The following WNT4 variants were observed in gnomAD, a reference collection of about 807,000 sequenced individuals.
WNT4 encodes the protein protein Wnt-4.
In WNT4, 16 loss-of-function variants were observed where a neutral mutation model predicts 34.5. That is an observed-to-expected ratio of 0.46 (90% CI 0.31 to 0.70). The LOEUF (loss-of-function observed/expected upper bound fraction) is 0.70. Among genes scored for constraint, WNT4 ranks in the 30% least tolerant of loss-of-function variants. WNT4 has a pLI of 0.04. For synonymous variants in WNT4, 200 were observed against 211.9 expected (o/e 0.94, Z 0.49); for missense variants, 379 against 495.9 (o/e 0.76, Z 2.24).
In WNT4 at chr1:22,135,268, C is replaced by T. The variant is rs1454334491; in HGVS notation, c.78-5417G>A. On this transcript the variant is annotated intron_variant, in intron 1 of 4. Coordinates refer to ENST00000290167, the MANE Select transcript of WNT4 (RefSeq NM_030761.5). ...CAATAGTCACGTGCTTCAGTATGTC[C>T]TTAGTGCAACAGCACAGGGCTGGCT... 2.0e-5 allele frequency among the ~76,000 whole-genome samples: 3 copies of T among 152,222 alleles called. No individual in the cohort carries two copies. In the East Asian group the frequency reaches 5.8e-4, roughly 29 times the overall value.
Position 22,119,165 on chromosome 1 carries a change from C to T in WNT4, c.*885G>A, listed in dbSNP as rs1645871423. 1 of 146,996 alleles carries T rather than the reference C, an allele frequency of 6.8e-6. No homozygotes were observed. Among genetic ancestry groups the T allele is most frequent in the African/African-American group, 2.6e-5 (1 of 38,462 alleles). 9.1% of individuals were successfully genotyped at this position (146,996 alleles called of 1,614,324 possible). On this transcript the variant is annotated 3_prime_UTR_variant, in exon 5 of 5. Coordinates refer to ENST00000290167, the MANE Select transcript of WNT4 (RefSeq NM_030761.5). ...AGGCACAGCCCTTTCCTCCCTCTCTCTCGCAGGTGTGTGTGTGTGTCCGTG... is the reference window on the plus strand; with the variant it reads ...AGGCACAGCCCTTTCCTCCCTCTCTTTCGCAGGTGTGTGTGTGTGTCCGTG...
chr1:22,142,528 G>A lies in WNT4; in HGVS notation c.77+318C>T, dbSNP rs937388820. Among the ~76,000 whole-genome samples, 16 of 152,180 alleles carry A rather than the reference G, an allele frequency of 1.1e-4. No individual in the cohort carries two copies. Among genetic ancestry groups the A allele is most frequent in the African/African-American group, 3.9e-4 (16 of 41,456 alleles). On this transcript the variant is annotated intron_variant, in intron 1 of 4. Coordinates refer to ENST00000290167, the MANE Select transcript of WNT4 (RefSeq NM_030761.5). This position sits in a 1 kb window ranked among gnomAD's most constrained non-coding sequence, Gnocchi z 6.0. Reference sequence around the variant, plus strand: ...GGCTGGACTGCAACCCGCGTCCGGCGCCCCTCCCGGGCCACCGCCCCGCGC... The same window carrying A: ...GGCTGGACTGCAACCCGCGTCCGGCACCCCTCCCGGGCCACCGCCCCGCGC...
At chr1:22,128,649 G>A (rs7544210) in intron 2 of WNT4, among the ~76,000 whole-genome samples, 80,633 of 151,996 alleles carry the variant, frequency 0.53, 21,909 homozygotes, top group Non-Finnish European at 0.57. Flanking sequence ...TCTCCTCATC[G>A]AGGATAAGAC....
Position 22,134,755 on chromosome 1 carries a change from T to A in WNT4, c.78-4904A>T, listed in dbSNP as rs1262120157. On this transcript the variant is annotated intron_variant, in intron 1 of 4. Coordinates refer to ENST00000290167, the MANE Select transcript of WNT4 (RefSeq NM_030761.5). The surrounding 1 kb of genome is among the most constrained non-coding windows in gnomAD (Gnocchi z 4.1). ...AAGATGCTCACTGTCATCGGTGCCG[T>A]CACCACCCCTCCCACAGCCTCTCCC... Among the ~76,000 whole-genome samples, 1 of 152,136 alleles carries A rather than the reference T, an allele frequency of 6.6e-6. No homozygotes were observed. The highest frequency in any genetic ancestry group is 1.5e-5 in the Non-Finnish European group (1 of 68,000).
chr1:22,121,687 G>C lies in WNT4; in HGVS notation c.314-111C>G, dbSNP rs528015362. The stretch of plus-strand genomic sequence containing the variant: ...CTCCTGCTTGCTGGAGGCCAGGAGG[G>C]AGCAAGACAGGCAGAAATCATGTGC... On this transcript the variant is annotated intron_variant, in intron 2 of 4. Transcript: ENST00000290167. 2.5e-3 allele frequency: 3,808 copies of C among 1,505,226 alleles called. 25 individuals are homozygous for C. Among genetic ancestry groups the C allele is most frequent in the South Asian group, 8.2e-3 (687 of 84,086 alleles). 93.2% of individuals were successfully genotyped at this position (1,505,226 alleles called of 1,614,324 possible).
chr1:22,134,711 T>C lies in WNT4; in HGVS notation c.78-4860A>G, dbSNP rs967761690. Among the ~76,000 whole-genome samples the C allele has an allele frequency of 4.6e-5, 7 of 152,128 alleles. No individual in the cohort carries two copies. Among genetic ancestry groups the C allele is most frequent in the Admixed American group, 2.0e-4 (3 of 15,282 alleles). ...GGAGATGCTCGTCCCTGCTGCAGCATTGTCCTAGCAGCACCTTCAAGATGC... is the reference window on the plus strand; with the variant it reads ...GGAGATGCTCGTCCCTGCTGCAGCACTGTCCTAGCAGCACCTTCAAGATGC... On this transcript the variant is annotated intron_variant, in intron 1 of 4. Coordinates refer to ENST00000290167, the MANE Select transcript of WNT4 (RefSeq NM_030761.5). This position sits in a 1 kb window ranked among gnomAD's most constrained non-coding sequence, Gnocchi z 4.1.
rs773876465 is a variant in WNT4, at chr1:22,120,315, G to A, written c.791C>T (p.Pro264Leu). The A allele has an allele frequency of 3.7e-6, 6 of 1,614,238 alleles. No individual in the cohort carries two copies. Among genetic ancestry groups the A allele is most frequent in the South Asian group, 1.1e-5 (1 of 91,090 alleles). ...GTACACCAGGTCCTCATCTGTGTGC[G>A]GCTTGAACTGTGCGTTGCGTGGCAC... is the stretch of plus-strand genomic sequence containing the variant. ...ALVPRNAQFK[P>L]HTDEDLVYLE... Residue 264 changes from proline (P) to leucine (L), a missense_variant, in exon 5 of 5, where the codon CCG becomes CTG. Physicochemically the swap from Pro to Leu is moderately conservative, Grantham distance 98. Transcript: ENST00000290167.
chr1:22,121,192 G>T lies in WNT4; in HGVS notation c.588+19C>A. 1 of 1,613,604 alleles carries T rather than the reference G, an allele frequency of 6.2e-7. No homozygotes were observed. The highest frequency in any genetic ancestry group is 8.5e-7 in the Non-Finnish European group (1 of 1,179,964). The stretch of plus-strand genomic sequence containing the variant: ...TGCTATCCCTACCCCGCTCTTGGTG[G>T]GGGGTAGTGCCACACTACCTTCCTG... On this transcript the variant is annotated intron_variant, in intron 4 of 4. Coordinates refer to ENST00000290167, the MANE Select transcript of WNT4 (RefSeq NM_030761.5).
intron 2 of WNT4, among the ~76,000 whole-genome samples, chr1:22,121,957 C>A (rs1422301171): frequency 6.6e-6 from 1 of 152,160 alleles, no homozygotes; most frequent in Non-Finnish European, 1.5e-5. Flanking sequence ...TCTCACTACC[C>A]CCACCAGAAG....
At chr1:22,127,924 G>T (rs1645952825) in intron 2 of WNT4, among the ~76,000 whole-genome samples, 1 of 152,118 alleles carries the variant, frequency 6.6e-6, no homozygotes, top group Non-Finnish European at 1.5e-5. Context: ...GAGAGAGGGT[G>T]ACAGCCTGCC....
At position 22,142,989 on chromosome 1, in the gene WNT4, C is replaced by G; in HGVS notation, c.-67G>C. ...CGCGGGGGGCCTCCCGTCGGGGCTG[C>G]AGGTGGGCGCCCGCGGGCGGGCCGG... On this transcript the variant is annotated 5_prime_UTR_variant, in exon 1 of 5. Coordinates refer to ENST00000290167, the MANE Select transcript of WNT4 (RefSeq NM_030761.5). The surrounding 1 kb of genome is among the most constrained non-coding windows in gnomAD (Gnocchi z 6.0). The G allele has an allele frequency of 3.3e-6, 3 of 905,678 alleles. No individual in the cohort carries two copies. The highest frequency in any genetic ancestry group is 3.9e-6 in the Non-Finnish European group (3 of 760,680). The allele number at this position is 905,678 out of a possible 1,614,324, so 56.1% of individuals were successfully genotyped here.
At position 22,139,857 on chromosome 1, in the gene WNT4, C is replaced by G. The variant is rs926155581; in HGVS notation, c.77+2989G>C. On this transcript the variant is annotated intron_variant, in intron 1 of 4. Transcript: ENST00000290167. This position sits in a 1 kb window ranked among gnomAD's most constrained non-coding sequence, Gnocchi z 4.6. The stretch of plus-strand genomic sequence containing the variant: ...CCCCAGGGACTCTTCATCCATCGGG[C>G]CCTCCCTCAGTGGTGGGAGCCGTCA... 3.9e-5 allele frequency among the ~76,000 whole-genome samples: 6 copies of G among 152,214 alleles called. No homozygotes were observed. Among genetic ancestry groups the G allele is most frequent in the Non-Finnish European group, 7.3e-5 (5 of 68,034 alleles).
At chr1:22,126,203 A>T (rs1164919483) in intron 2 of WNT4, among the ~76,000 whole-genome samples, 1 of 152,116 alleles carries the variant, frequency 6.6e-6, no homozygotes, top group Non-Finnish European at 1.5e-5. Context: ...ATTCATCATC[A>T]TTTCACTGTC....
chr1:22,135,493 C>T (rs551318087), intron 1 of WNT4, among the ~76,000 whole-genome samples: 12 of 152,188 alleles, frequency 7.9e-5, no homozygotes, highest in Non-Finnish European at 1.6e-4. Context: ...AGGCCTGATT[C>T]TTCCCTTGAT....
chr1:22,140,176 G>T lies in WNT4; in HGVS notation c.77+2670C>A. 2 of 985,348 alleles carry T rather than the reference G, an allele frequency of 2.0e-6. No individual in the cohort carries two copies. Among genetic ancestry groups the T allele is most frequent in the Non-Finnish European group, 2.4e-6 (2 of 829,868 alleles). The allele number at this position is 985,348 out of a possible 1,614,324, so 61.0% of individuals were successfully genotyped here. On this transcript the variant is annotated intron_variant, in intron 1 of 4. Coordinates refer to ENST00000290167, the MANE Select transcript of WNT4 (RefSeq NM_030761.5). The surrounding 1 kb of genome is among the most constrained non-coding windows in gnomAD (Gnocchi z 5.9). Reference sequence around the variant, plus strand: ...CAGGTGCTGTCAGCTATCCTCTCGGGGCCAGGCCTCCTCATACCTCACACT... The same window carrying T: ...CAGGTGCTGTCAGCTATCCTCTCGGTGCCAGGCCTCCTCATACCTCACACT...
intron 1 of WNT4, among the ~76,000 whole-genome samples, chr1:22,135,792 A>AT (rs1418461556): frequency 6.6e-6 from 1 of 152,130 alleles, no homozygotes; most frequent in Non-Finnish European, 1.5e-5. Flanking sequence ...GCCCAGGCCA[A>AT]GTCCTCTTGG....
Position 22,121,191 on chromosome 1 carries a change from G to A in WNT4, c.588+20C>T, listed in dbSNP as rs201027472. On this transcript the variant is annotated intron_variant, in intron 4 of 4. Transcript: ENST00000290167. Reference sequence around the variant, plus strand: ...ATGCTATCCCTACCCCGCTCTTGGTGGGGGGTAGTGCCACACTACCTTCCT... The same window carrying A: ...ATGCTATCCCTACCCCGCTCTTGGTAGGGGGTAGTGCCACACTACCTTCCT... 5.6e-6 allele frequency: 9 copies of A among 1,610,816 alleles called. No homozygotes were observed. Among genetic ancestry groups the A allele is most frequent in the East Asian group, 2.2e-5 (1 of 44,808 alleles).
Position 22,142,416 on chromosome 1 carries a change from A to G in WNT4, c.77+430T>C, listed in dbSNP as rs2124144727. ...CAGCTCGGCGCAGCTCGGCGCTGGGAGCTCGCTCCGGACTTCTCGGGATTA... is the reference window on the plus strand; with the variant it reads ...CAGCTCGGCGCAGCTCGGCGCTGGGGGCTCGCTCCGGACTTCTCGGGATTA... On this transcript the variant is annotated intron_variant, in intron 1 of 4. Transcript: ENST00000290167. This position sits in a 1 kb window ranked among gnomAD's most constrained non-coding sequence, Gnocchi z 6.0. Among the ~76,000 whole-genome samples, 1 of 148,448 alleles carries G rather than the reference A, an allele frequency of 6.7e-6. No homozygotes were observed. Among genetic ancestry groups the G allele is most frequent in the South Asian group, 2.1e-4 (1 of 4,744 alleles).
At position 22,119,694 on chromosome 1, in the gene WNT4, G is replaced by A. The variant is rs1364705672; in HGVS notation, c.*356C>T. On this transcript the variant is annotated 3_prime_UTR_variant, in exon 5 of 5. Transcript: ENST00000290167. ...AAGGCCCCCTCTTCCCCGATGACAC[G>A]GTCAGTAGCCATGTGGTGGTAATAC... 1.1e-5 allele frequency: 4 copies of A among 374,282 alleles called. No homozygotes were observed. The highest frequency in any genetic ancestry group is 4.3e-5 in the Admixed American group (1 of 23,330). The allele number at this position is 374,282 out of a possible 1,614,324, so 23.2% of individuals were successfully genotyped here.
Sources: allele counts gnomAD v4.1 joint callset (sites outside exome capture counted in the v4.1 genomes callset), GRCh38; gene constraint gnomAD v4.1.1; non-coding constraint Gnocchi (gnomAD v3.1); transcripts MANE v1.5; gene names NCBI Gene and HGNC (gene_info 2026-07-23, HGNC 2026-07-21).